THSD7B: variants seen among roughly 807,000 people sequenced by gnomAD.
THSD7B encodes thrombospondin type-1 domain-containing protein 7B.
In THSD7B, 138 loss-of-function variants were observed where a neutral mutation model predicts 213.6. The observed-to-expected ratio is 0.65, with a 90% CI of 0.56 to 0.74. THSD7B has a LOEUF of 0.74. Ranked by LOEUF, THSD7B falls within the 30% of genes least tolerant of loss-of-function variation. The pLI is 0.00. For synonymous variants in THSD7B, 742 were observed against 687.0 expected, an observed-to-expected ratio of 1.08 and a Z score of -1.25; for missense variants, 1,931 against 1,991.5, an observed-to-expected ratio of 0.97 and a Z score of 0.58.
chr2:136,916,381 T>A (rs1305717420), intron 2 of THSD7B, among the ~76,000 whole-genome samples: 1 of 152,130 alleles, frequency 6.6e-6, no homozygotes, highest in Non-Finnish European at 1.5e-5. Context: ...ATAATGGCAT[T>A]CCTGGAGTGC....
chr2:137,019,248 G>A (rs1438877598), intron 2 of THSD7B, among the ~76,000 whole-genome samples: 2 of 152,066 alleles, frequency 1.3e-5, no homozygotes, highest in Non-Finnish European at 2.9e-5. Context: ...GTATTTTTCT[G>A]TAATTGTTGG....
At chr2:137,124,774 A>T (rs1311780245) in intron 5 of THSD7B, among the ~76,000 whole-genome samples, 3 of 152,120 alleles carry the variant, frequency 2.0e-5, no homozygotes, top group Non-Finnish European at 4.4e-5. Flanking sequence ...ATGCAACATG[A>T]TGTTTTGATG....
At chr2:136,961,856 T>C (rs900181079) in intron 2 of THSD7B, among the ~76,000 whole-genome samples, 3 of 152,298 alleles carry the variant, frequency 2.0e-5, no homozygotes, top group East Asian at 1.9e-4. Flanking sequence ...GAATATAAAA[T>C]GATTTCTTAG....
At chr2:136,983,379 A>ACACACACACACACACACACACACACACT (rs1250517745) in intron 2 of THSD7B, among the ~76,000 whole-genome samples, 1 of 148,882 alleles carries the variant, frequency 6.7e-6, no homozygotes, top group Non-Finnish European at 1.5e-5. Flanking sequence ...ACGCACACAC[A>ACACACACACACACACACACACACACACT]CTCACTCTCT....
intron 12 of THSD7B, among the ~76,000 whole-genome samples, chr2:137,388,794 C>T (rs1459841339): frequency 6.6e-6 from 1 of 152,092 alleles, no homozygotes; most frequent in Non-Finnish European, 1.5e-5. Flanking sequence ...TGGCTTGTTT[C>T]ACTTAACATA....
At chr2:137,570,988 T>C (rs1681343311) in intron 16 of THSD7B, among the ~76,000 whole-genome samples, 1 of 152,210 alleles carries the variant, frequency 6.6e-6, no homozygotes, top group Admixed American at 6.5e-5. Context: ...TGGGATGTGA[T>C]ATAAATAGAG....
chr2:137,387,742 G>A (rs1241948941), intron 12 of THSD7B, among the ~76,000 whole-genome samples: 1 of 152,124 alleles, frequency 6.6e-6, no homozygotes, highest in African/African-American at 2.4e-5. Context: ...CAACTAAATA[G>A]CAGATGTCTG....
chr2:137,254,169 A>G (rs1197620705), intron 10 of THSD7B, among the ~76,000 whole-genome samples: 2 of 152,224 alleles, frequency 1.3e-5, no homozygotes, highest in African/African-American at 4.8e-5. Flanking sequence ...AAGTTGCTAC[A>G]TATAGATGGT....
In THSD7B at chr2:136,782,592, T is replaced by C. The variant is rs1045088852; in HGVS notation, c.-36+16905T>C. On this transcript the variant is annotated intron_variant, in intron 1 of 27. Transcript: ENST00000409968. ...TATGTTATGCTCTAGAAGTAGAGAG[T>C]AGAATGGTGGTTACCTGAGGCTGGG... Among the ~76,000 whole-genome samples, 38 of 151,912 alleles carry C rather than the reference T, an allele frequency of 2.5e-4. 1 individual carries two copies. The highest frequency in any genetic ancestry group is 6.8e-3 in the Middle Eastern group (2 of 294).
chr2:136,999,998 C>G (rs561002573), intron 2 of THSD7B, among the ~76,000 whole-genome samples: 1 of 152,186 alleles, frequency 6.6e-6, no homozygotes, highest in East Asian at 1.9e-4. Context: ...TTAGACAGTT[C>G]TACCTTAAGA....
At chr2:136,841,322 G>T (rs544147679) in intron 1 of THSD7B, among the ~76,000 whole-genome samples, 4 of 151,962 alleles carry the variant, frequency 2.6e-5, no homozygotes, top group African/African-American at 4.8e-5. Context: ...AAGACCGGGC[G>T]CAGTGGCTCA....
intron 3 of THSD7B, among the ~76,000 whole-genome samples, chr2:137,082,116 C>A (rs892129678): frequency 2.0e-5 from 3 of 152,114 alleles, no homozygotes; most frequent in African/African-American, 7.2e-5. Flanking sequence ...ATTTTGAAGG[C>A]ATCGTTGAAC....
intron 12 of THSD7B, among the ~76,000 whole-genome samples, chr2:137,391,409 C>A (rs1474437392): frequency 6.6e-6 from 1 of 152,004 alleles, no homozygotes; most frequent in East Asian, 1.9e-4. Flanking sequence ...AAAGAACAGG[C>A]CAGGTGCAGT....
intron 17 of THSD7B, among the ~76,000 whole-genome samples, chr2:137,596,794 G>A (rs1403357120): frequency 6.6e-6 from 1 of 151,230 alleles, no homozygotes; most frequent in Non-Finnish European, 1.5e-5. Context: ...GCTATGTTCT[G>A]TGGTCCAGTA....
intron 17 of THSD7B, among the ~76,000 whole-genome samples, chr2:137,602,826 C>A (rs1216602497): frequency 6.6e-6 from 1 of 152,254 alleles, no homozygotes; most frequent in East Asian, 1.9e-4. Flanking sequence ...TTGTTTCAAA[C>A]CCATGAACTT....
In THSD7B at chr2:137,260,315, A is replaced by G. The variant is rs867701351; in HGVS notation, c.2267-12218A>G. On this transcript the variant is annotated intron_variant, in intron 10 of 27. Transcript: ENST00000409968. ...TTTAAATATATTCTGAAATATTTGC[A>G]TGTAATAATGTGCTTTCTGAATTTT... Among the ~76,000 whole-genome samples the G allele has an allele frequency of 2.0e-5, 3 of 152,306 alleles. No homozygotes were observed. In the South Asian group the frequency reaches 6.2e-4, roughly 32 times the overall value.
At position 137,478,951 on chromosome 2, in the gene THSD7B, G is replaced by A. The variant is rs144136124; in HGVS notation, c.3138+27928G>A. ...ACCCTTGGACCCTAATGGTGGCAGT[G>A]GTGCCTGTCCTTTGCCCCAGGGAAG... On this transcript the variant is annotated intron_variant, in intron 15 of 27. Coordinates refer to ENST00000409968, the MANE Select transcript of THSD7B (RefSeq NM_001316349.2). 2.3e-3 allele frequency among the ~76,000 whole-genome samples: 352 copies of A among 152,292 alleles called. 2 individuals carry two copies. Among genetic ancestry groups the A allele is most frequent in the African/African-American group, 7.4e-3 (308 of 41,560 alleles).
At chr2:137,555,012 G>C (rs1680926641) in intron 15 of THSD7B, among the ~76,000 whole-genome samples, 1 of 152,188 alleles carries the variant, frequency 6.6e-6, no homozygotes, top group Non-Finnish European at 1.5e-5. Context: ...GCCCACCATT[G>C]TTGAGGCTTG....
intron 7 of THSD7B, among the ~76,000 whole-genome samples, chr2:137,183,715 G>A (rs1680499423): frequency 6.6e-6 from 1 of 152,016 alleles, no homozygotes; most frequent in Admixed American, 6.6e-5. Context: ...CTATGGGATG[G>A]GCCGTAATTA....
Sources: allele counts gnomAD v4.1 joint callset (sites outside exome capture counted in the v4.1 genomes callset), GRCh38; gene constraint gnomAD v4.1.1; transcripts MANE v1.5; gene names NCBI Gene and HGNC (gene_info 2026-07-23, HGNC 2026-07-21).